Variants in RNGTT observed in about 807,000 individuals in gnomAD.
RNGTT encodes the protein RNA guanylyltransferase and 5'-phosphatase, also known as mRNA-capping enzyme.
In RNGTT, 33 loss-of-function variants were observed where a neutral mutation model predicts 79.3. The observed-to-expected ratio is 0.42, with a 90% CI of 0.32 to 0.56. RNGTT has a LOEUF of 0.56. Ranked by LOEUF, RNGTT falls within the 20% of genes least tolerant of loss-of-function variation. The pLI is 0.17. For missense variants in RNGTT, 497 were observed against 739.1 expected (o/e 0.67, Z 3.80); for synonymous variants, 222 against 235.9 (o/e 0.94, Z 0.54).
chr6:88,647,626 C>CGTGA (rs1773617187), intron 14 of RNGTT, among the ~76,000 whole-genome samples: 14 of 147,198 alleles, frequency 9.5e-5, no homozygotes, highest in African/African-American at 3.6e-4. Context: ...GTAGGAGGAT[C>CGTGA]ACTTGAGCCT....
chr6:88,722,816 T>C (rs1020233732), intron 13 of RNGTT, among the ~76,000 whole-genome samples: 5 of 152,196 alleles, frequency 3.3e-5, no homozygotes, highest in Non-Finnish European at 5.9e-5. Flanking sequence ...AAGATTATAA[T>C]GAAGCTGAAA....
At chr6:88,711,797 C>T (rs958074781) in intron 13 of RNGTT, among the ~76,000 whole-genome samples, 3 of 152,138 alleles carry the variant, frequency 2.0e-5, no homozygotes, top group Non-Finnish European at 4.4e-5. Context: ...CACTCATTCA[C>T]CCATTTACTC....
intron 14 of RNGTT, among the ~76,000 whole-genome samples, chr6:88,671,912 T>C (rs1033866882): frequency 6.6e-6 from 1 of 151,862 alleles, no homozygotes; most frequent in Non-Finnish European, 1.5e-5. Flanking sequence ...AAGCCACAGG[T>C]AGAAAAATGA....
In RNGTT at chr6:88,810,622, A is replaced by G. The variant is rs536972088; in HGVS notation, c.1270-8990T>C. 1.4e-4 allele frequency among the ~76,000 whole-genome samples: 21 copies of G among 152,334 alleles called. No individual in the cohort carries two copies. The South Asian group carries it at 3.1e-3, about 23-fold the overall frequency. Reference sequence around the variant, plus strand: ...TTGAAAAGTCAGGTTTTATTTAATAATTTAAATAACAGATATAATTTTAAA... The same window carrying G: ...TTGAAAAGTCAGGTTTTATTTAATAGTTTAAATAACAGATATAATTTTAAA... On this transcript the variant is annotated intron_variant, in intron 11 of 15. Coordinates refer to ENST00000369485, the MANE Select transcript of RNGTT (RefSeq NM_003800.5).
chr6:88,657,174 A>G lies in RNGTT; in HGVS notation c.1506+21179T>C, dbSNP rs138403389. Among the ~76,000 whole-genome samples the G allele has an allele frequency of 2.0e-3, 303 of 152,274 alleles. 7 individuals are homozygous for G. The highest frequency in any genetic ancestry group is 0.018 in the Admixed American group (277 of 15,298). On this transcript the variant is annotated intron_variant, in intron 14 of 15. Transcript: ENST00000369485. ...GAAGTGGCTTGCTGCTGCAAACTCC[A>G]TGAGACAGCCAAAAAACTGTGAGTT... is the stretch of plus-strand genomic sequence containing the variant.
rs553059808 is a variant in RNGTT, at chr6:88,688,758, G to A, written c.1440-10339C>T. Among the ~76,000 whole-genome samples the A allele has an allele frequency of 1.4e-3, 218 of 152,246 alleles. 5 individuals are homozygous for A. The highest frequency in any genetic ancestry group is 4.4e-3 in the African/African-American group (182 of 41,552). Reference sequence around the variant, plus strand: ...CTTGAATAACATGGGTTTGAACCACGTAGGTCCACTTATACGCAGATTTCT... The same window carrying A: ...CTTGAATAACATGGGTTTGAACCACATAGGTCCACTTATACGCAGATTTCT... On this transcript the variant is annotated intron_variant, in intron 13 of 15. Coordinates refer to ENST00000369485, the MANE Select transcript of RNGTT (RefSeq NM_003800.5).
chr6:88,920,882 T>G (rs1008447601), intron 4 of RNGTT, among the ~76,000 whole-genome samples: 1 of 152,188 alleles, frequency 6.6e-6, no homozygotes, highest in East Asian at 1.9e-4. Flanking sequence ...TAGTGATATA[T>G]ATATATTTTG....
chr6:88,817,745 C>T (rs1371591826), intron 11 of RNGTT, among the ~76,000 whole-genome samples: 2 of 137,358 alleles, frequency 1.5e-5, no homozygotes, highest in African/African-American at 5.3e-5. Flanking sequence ...AGTCTATTCA[C>T]ATCATTTTTT....
At chr6:88,665,686 C>G (rs780643621) in intron 14 of RNGTT, among the ~76,000 whole-genome samples, 3 of 152,216 alleles carry the variant, frequency 2.0e-5, no homozygotes, top group Non-Finnish European at 4.4e-5. Flanking sequence ...ACTCATTACA[C>G]TTGGACCCGG....
chr6:88,902,690 CTTT>C (rs71024315), intron 6 of RNGTT, among the ~76,000 whole-genome samples: 3 of 82,706 alleles, frequency 3.6e-5, no homozygotes, highest in Non-Finnish European at 6.6e-5. Flanking sequence ...ATAGTGAAAT[CTTT>C]TTTTTTTTTT....
chr6:88,955,258 AAT>A (rs1222636520), intron 1 of RNGTT, among the ~76,000 whole-genome samples: 5 of 151,154 alleles, frequency 3.3e-5, no homozygotes, highest in Non-Finnish European at 7.4e-5. Context: ...CATAGCATTA[AAT>A]ACCTACATCA....
chr6:88,848,312 G>T (rs565452512), intron 10 of RNGTT, among the ~76,000 whole-genome samples: 2 of 152,074 alleles, frequency 1.3e-5, no homozygotes, highest in South Asian at 4.1e-4. Context: ...ATACACTAAT[G>T]ACGGAACAGA....
chr6:88,808,445 A>G (rs1780030662), intron 11 of RNGTT, among the ~76,000 whole-genome samples: 1 of 152,198 alleles, frequency 6.6e-6, no homozygotes, highest in South Asian at 2.1e-4. Context: ...AATCTAAATG[A>G]TGGCAAGACA....
chr6:88,617,892 A>T (rs1772292713), intron 14 of RNGTT, among the ~76,000 whole-genome samples: 2 of 152,096 alleles, frequency 1.3e-5, no homozygotes, highest in African/African-American at 2.4e-5. Context: ...TTAGAAGTAA[A>T]TTTACTAAAG....
chr6:88,938,214 T>C (rs868263928), intron 2 of RNGTT, among the ~76,000 whole-genome samples: 4 of 152,230 alleles, frequency 2.6e-5, no homozygotes, highest in African/African-American at 7.2e-5. Context: ...GGTACTCTGA[T>C]GTTGAGTGCA....
chr6:88,892,351 TACC>T (rs1783079010), intron 6 of RNGTT, among the ~76,000 whole-genome samples: 1 of 152,076 alleles, frequency 6.6e-6, no homozygotes. Context: ...GCCTACACTA[TACC>T]AACCACCAAT....
intron 8 of RNGTT, among the ~76,000 whole-genome samples, chr6:88,864,459 A>T (rs753330834): frequency 3.3e-5 from 5 of 152,150 alleles, no homozygotes; most frequent in Admixed American, 6.5e-5. Context: ...ATCTGTAGGC[A>T]AAAGAGAAGG....
chr6:88,949,568 GA>G (rs1231466849), intron 1 of RNGTT, among the ~76,000 whole-genome samples: 1 of 152,102 alleles, frequency 6.6e-6, no homozygotes. Context: ...GGCCAAAAGT[GA>G]AATAGTCTTA....
chr6:88,840,098 T>C (rs531968963), intron 11 of RNGTT, among the ~76,000 whole-genome samples: 8 of 152,330 alleles, frequency 5.3e-5, no homozygotes, highest in African/African-American at 1.7e-4. Flanking sequence ...CTACCATTCT[T>C]AAAATAAATG....
Sources: gnomAD v4.1 joint callset for allele counts (sites outside exome capture counted in the v4.1 genomes callset) on GRCh38, gnomAD v4.1.1 for gene constraint, MANE v1.5 for transcripts, NCBI Gene and HGNC (gene_info 2026-07-23, HGNC 2026-07-21) for gene names.